ZNF525: variants seen among roughly 807,000 people sequenced by gnomAD.
ZNF525 encodes zinc finger protein 525.
A neutral mutation model predicts 37.6 loss-of-function variants in ZNF525; 33 were observed. That is an observed-to-expected ratio of 0.88 (90% confidence interval 0.67 to 1.17). ZNF525 has a LOEUF of 1.17. ZNF525 is among the 50% of genes most tolerant of loss of function. The probability of loss-of-function intolerance (pLI) is 0.00; values close to 1 mark genes in which losing one functional copy is unlikely to be tolerated. For synonymous variants in ZNF525, 170 were observed against 182.3 expected (o/e 0.93, Z 0.54); for missense variants, 449 against 543.1 (o/e 0.83, Z 1.72).
intron 3 of ZNF525, among the ~76,000 whole-genome samples, chr19:53,377,621 C>G (rs2085531610): frequency 6.8e-6 from 1 of 146,868 alleles, no homozygotes; most frequent in Non-Finnish European, 1.5e-5. Flanking sequence ...GTGGCACAAT[C>G]TTGGCTAACT....
intron 1 of ZNF525, among the ~76,000 whole-genome samples, chr19:53,370,065 A>G (rs2085476186): frequency 6.6e-6 from 1 of 151,342 alleles, no homozygotes; most frequent in East Asian, 2.0e-4. Flanking sequence ...ATACCTCTCT[A>G]ATTTTCAAGG....
At chr19:53,377,556 CTTT>C (rs1437577508) in intron 3 of ZNF525, among the ~76,000 whole-genome samples, 3 of 128,240 alleles carry the variant, frequency 2.3e-5, no homozygotes, top group Admixed American at 8.0e-5. Context: ...TCTTTCATTT[CTTT>C]TTTTTTTTTT....
At position 53,375,816 on chromosome 19, in the gene ZNF525, A is replaced by T. The variant is rs2085517549; in HGVS notation, c.62A>T (p.Glu21Val). The change falls in exon 3 of 4, where the codon GAG (glutamate) becomes GTG (valine). Residue 21 changes from glutamate (E) to valine (V), a missense_variant. Physicochemically the swap from Glu to Val is moderately radical, Grantham distance 121. This residue lies in a region of ZNF525 where 271 missense variants were observed against 381.6 expected (regional missense o/e 0.71). Transcript: ENST00000474037. ...GTGGCCATAGAATTCTCTCAGGAGG[A>T]GTGGAAATGCCTGGACCCTGCTCAG... ...RDVAIEFSQE[E>V]WKCLDPAQRT... 6.2e-7 allele frequency: 1 copy of T among 1,613,848 alleles called. No individual in the cohort carries two copies. The highest frequency in any genetic ancestry group is 2.2e-5 in the East Asian group (1 of 44,878).
At chr19:53,374,785 A>G (rs2085510370) in intron 2 of ZNF525, among the ~76,000 whole-genome samples, 1 of 152,086 alleles carries the variant, frequency 6.6e-6, no homozygotes, top group African/African-American at 2.4e-5. Context: ...ATTAACATCT[A>G]GTTTTTTTGT....
At position 53,382,505 on chromosome 19, in the gene ZNF525, G is replaced by T; in HGVS notation, c.*486G>T. 1.5e-6 allele frequency: 1 copy of T among 688,414 alleles called. No individual in the cohort carries two copies. The highest frequency in any genetic ancestry group is 1.4e-5 in the South Asian group (1 of 70,362). 42.6% of individuals were successfully genotyped at this position (688,414 alleles called of 1,614,324 possible). On this transcript the variant is annotated 3_prime_UTR_variant, in exon 4 of 4. Coordinates refer to ENST00000474037, the MANE Select transcript of ZNF525 (RefSeq NM_001348156.2). ...CTTATAAGTGTAATGAGTGTGGCAA[G>T]ACCTTCAGTAAGGAGTTAACACATG...
intron 2 of ZNF525, among the ~76,000 whole-genome samples, chr19:53,373,820 C>CAA (rs34058383): frequency 0.034 from 4,818 of 143,406 alleles, 173 homozygotes; most frequent in Admixed American, 0.12. Flanking sequence ...GACTTCGTCT[C>CAA]AAAAAAAAAA....
At chr19:53,366,702 G>A (rs1018010956) in intron 1 of ZNF525, among the ~76,000 whole-genome samples, 4 of 151,460 alleles carry the variant, frequency 2.6e-5, no homozygotes, top group African/African-American at 7.3e-5. Flanking sequence ...TGGAGCCAGG[G>A]CAGACAGAGC....
chr19:53,366,780 G>C (rs372383867), intron 1 of ZNF525, among the ~76,000 whole-genome samples: 15,107 of 133,110 alleles, frequency 0.11, 1,169 homozygotes, highest in African/African-American at 0.23. Context: ...GGGATCTGGG[G>C]TGCCAGAGAG....
At chr19:53,366,467 A>T (rs1420102409) in intron 1 of ZNF525, among the ~76,000 whole-genome samples, 1 of 151,982 alleles carries the variant, frequency 6.6e-6, no homozygotes, top group Non-Finnish European at 1.5e-5. Flanking sequence ...CAGAGAAAAG[A>T]AGAATGAGAA....
chr19:53,371,440 C>T (rs889864992), intron 1 of ZNF525, among the ~76,000 whole-genome samples: 7 of 151,948 alleles, frequency 4.6e-5, no homozygotes, highest in African/African-American at 1.7e-4. Context: ...GACATGATCT[C>T]GGCTCACTGC....
chr19:53,367,026 A>C (rs908269402), intron 1 of ZNF525, among the ~76,000 whole-genome samples: 3 of 152,202 alleles, frequency 2.0e-5, no homozygotes, highest in Non-Finnish European at 2.9e-5. Context: ...TTAATCATAT[A>C]ATAGGTCACG....
rs1049055269 is a variant in ZNF525, at chr19:53,383,849, A to C, written c.*1830A>C. 5.3e-6 allele frequency: 3 copies of C among 565,290 alleles called. No individual in the cohort carries two copies. The highest frequency in any genetic ancestry group is 1.0e-5 in the Non-Finnish European group (3 of 297,064). The allele number at this position is 565,290 out of a possible 1,614,324, so 35.0% of individuals were successfully genotyped here. On this transcript the variant is annotated 3_prime_UTR_variant, in exon 4 of 4. Coordinates refer to ENST00000474037, the MANE Select transcript of ZNF525 (RefSeq NM_001348156.2). ...CATGATTGTGGCAAGGTCTTCAGTC[A>C]AGCTTCATCTTTTGCAAAACAGGAG...
At chr19:53,380,143 T>C (rs2085549349) in intron 3 of ZNF525, among the ~76,000 whole-genome samples, 1 of 152,012 alleles carries the variant, frequency 6.6e-6, no homozygotes, top group East Asian at 1.9e-4. Context: ...CAGGCTGAAG[T>C]ACAGTGGTGC....
chr19:53,381,367 G>T lies in ZNF525; in HGVS notation c.788G>T (p.Arg263Ile). The T allele has an allele frequency of 6.3e-7, 1 of 1,596,072 alleles. No individual in the cohort carries two copies. Among genetic ancestry groups the T allele is most frequent in the Non-Finnish European group, 8.6e-7 (1 of 1,163,554 alleles). The change falls in exon 4 of 4, where the codon AGA becomes ATA. Residue 263 changes from arginine to isoleucine, a missense_variant. Coordinates refer to ENST00000474037, the MANE Select transcript of ZNF525 (RefSeq NM_001348156.2). Reference protein sequence around the residue: ...IRKRYLARHRRCHTGEKPYKC... With the variant: ...IRKRYLARHRICHTGEKPYKC... ...AAGCGATACCTTGCACGCCATCGTA[G>T]ATGTCACACTGGTGAGAAACCTTAC...
Position 53,383,649 on chromosome 19 carries a change from A to T in ZNF525, c.*1630A>T. The T allele has an allele frequency of 1.0e-6, 1 of 988,006 alleles. No individual in the cohort carries two copies. The highest frequency in any genetic ancestry group is 2.3e-5 in the Admixed American group (1 of 43,952). 61.2% of individuals were successfully genotyped at this position (988,006 alleles called of 1,614,324 possible). On this transcript the variant is annotated 3_prime_UTR_variant, in exon 4 of 4. Coordinates refer to ENST00000474037, the MANE Select transcript of ZNF525 (RefSeq NM_001348156.2). The stretch of plus-strand genomic sequence containing the variant: ...GCAATCCGTAGTGTAGGGAAACTTG[A>T]CTAACGTAATGATTCTCACAACGTC...
chr19:53,374,804 G>T (rs952152362), intron 2 of ZNF525, among the ~76,000 whole-genome samples: 1 of 152,158 alleles, frequency 6.6e-6, no homozygotes, highest in Admixed American at 6.6e-5. Flanking sequence ...GTGAGTCTGT[G>T]TAGGTCTCAT....
chr19:53,380,796 A>T lies in ZNF525; in HGVS notation c.217A>T (p.Thr73Ser). 5 of 1,414,408 alleles carry T rather than the reference A, an allele frequency of 3.5e-6. No homozygotes were observed. Among genetic ancestry groups the T allele is most frequent in the Non-Finnish European group, 5.0e-6 (5 of 998,104 alleles). 87.6% of individuals were successfully genotyped at this position (1,414,408 alleles called of 1,614,324 possible). The change falls in exon 4 of 4, where the codon ACA (threonine) becomes TCA (serine). Residue 73 changes from threonine (T) to serine (S), a missense_variant. Thr to Ser is a moderately conservative substitution (Grantham distance 58). Coordinates refer to ENST00000474037, the MANE Select transcript of ZNF525 (RefSeq NM_001348156.2). ...QGNTEVIHTG[T>S]LQRHERHHIG... Reference sequence around the variant, plus strand: ...CAATACAGAAGTGATCCACACAGGGACATTGCAAAGACATGAACGTCATCA... The same window carrying T: ...CAATACAGAAGTGATCCACACAGGGTCATTGCAAAGACATGAACGTCATCA...
intron 1 of ZNF525, among the ~76,000 whole-genome samples, 194 bp downstream of exon 1, chr19:53,365,953 T>C (rs1308027074): frequency 6.6e-6 from 1 of 152,120 alleles, no homozygotes; most frequent in East Asian, 1.9e-4. Flanking sequence ...CTGGTCCCGT[T>C]CCGGATCTTT....
At chr19:53,366,540 G>GAA (rs57967171) in intron 1 of ZNF525, among the ~76,000 whole-genome samples, 1,484 of 124,128 alleles carry the variant, frequency 0.012, 23 homozygotes, top group African/African-American at 0.04. Flanking sequence ...CAGCAAAAGT[G>GAA]AAAAAAAAAA....
Sources: allele counts gnomAD v4.1 joint callset (sites outside exome capture counted in the v4.1 genomes callset), GRCh38; gene constraint gnomAD v4.1.1; regional missense constraint gnomAD v4.1.1; transcripts MANE v1.5; gene names NCBI Gene and HGNC (gene_info 2026-07-23, HGNC 2026-07-21).